Variants in ZNF423 observed in about 807,000 individuals in gnomAD.
The protein encoded by ZNF423 is zinc finger protein 423, also known as Ebf-associated zinc finger protein.
Under a neutral mutation model 95.8 loss-of-function variants are expected in ZNF423, and 12 were observed. The observed-to-expected ratio is 0.13, with a 90% CI of 0.08 to 0.20. The LOEUF (loss-of-function observed/expected upper bound fraction) is 0.20, where lower values mean the gene tolerates loss of function less well. Among genes scored for constraint, ZNF423 ranks in the 10% least tolerant of loss-of-function variants. ZNF423 has a pLI of 1.00. For synonymous variants in ZNF423, 749 were observed against 711.9 expected (o/e 1.05, Z -0.83); for missense variants, 1,316 against 1,737.1 (o/e 0.76, Z 4.31).
Position 49,626,373 on chromosome 16 carries a change from G to T in ZNF423, c.3517-119C>A. On this transcript the variant is annotated intron_variant, in intron 4 of 7. Transcript: ENST00000563137. ...CAGAATGGTTCCAGTCCCCTCCTAG[G>T]TCTCCCCAGGCCATTCTCTTCCCAC... 4.9e-6 allele frequency: 4 copies of T among 815,944 alleles called. No individual in the cohort carries two copies. The South Asian group carries it at 6.1e-5, about 12-fold the overall frequency. 50.5% of individuals were successfully genotyped at this position (815,944 alleles called of 1,614,324 possible).
intron 7 of ZNF423, chr16:49,518,355 G>A (rs1001426733): frequency 7.1e-6 from 3 of 422,196 alleles, no homozygotes; most frequent in Non-Finnish European, 1.4e-5. Flanking sequence ...TTTCCACAAA[G>A]AATATCATAA....
chr16:49,726,856 C>CTAAA (rs2033029629), intron 3 of ZNF423, among the ~76,000 whole-genome samples: 1 of 94,784 alleles, frequency 1.1e-5, no homozygotes, highest in Non-Finnish European at 2.0e-5. Flanking sequence ...TTCCCCCTAG[C>CTAAA]AAAAAAAAAA....
chr16:49,733,041 C>T (rs1454641385), intron 2 of ZNF423, among the ~76,000 whole-genome samples: 3 of 152,176 alleles, frequency 2.0e-5, no homozygotes, highest in African/African-American at 7.2e-5. Context: ...AAAAGTCAGG[C>T]AGCATATTTA....
At chr16:49,807,500 A>G (rs2034684044) in intron 1 of ZNF423, among the ~76,000 whole-genome samples, 2 of 152,188 alleles carry the variant, frequency 1.3e-5, no homozygotes, top group Non-Finnish European at 2.9e-5. Flanking sequence ...GTCTGGTTCC[A>G]AACACTTTTT....
chr16:49,679,778 G>T (rs2031274055), intron 3 of ZNF423, among the ~76,000 whole-genome samples: 1 of 152,250 alleles, frequency 6.6e-6, no homozygotes, highest in Non-Finnish European at 1.5e-5. Flanking sequence ...GCCAGAAATG[G>T]CCTGAAACCT....
intron 1 of ZNF423, among the ~76,000 whole-genome samples, chr16:49,803,311 C>T (rs1440525872): frequency 6.6e-6 from 1 of 152,046 alleles, no homozygotes; most frequent in Non-Finnish European, 1.5e-5. Context: ...TCAATGATGG[C>T]CTGAGTCCCA....
intron 2 of ZNF423, among the ~76,000 whole-genome samples, chr16:49,762,274 C>G (rs964823480): frequency 6.6e-6 from 1 of 152,194 alleles, no homozygotes; most frequent in African/African-American, 2.4e-5. Flanking sequence ...TCATGGTGCA[C>G]GTCCCCCAGC....
intron 1 of ZNF423, among the ~76,000 whole-genome samples, chr16:49,848,019 G>T (rs2035263511): frequency 6.6e-6 from 1 of 152,052 alleles, no homozygotes; most frequent in Non-Finnish European, 1.5e-5. Context: ...TGAGAGGACT[G>T]CTTGAGCCCA....
chr16:49,546,686 C>T (rs1214110438), intron 5 of ZNF423, among the ~76,000 whole-genome samples: 2 of 152,200 alleles, frequency 1.3e-5, no homozygotes, highest in Non-Finnish European at 2.9e-5. Flanking sequence ...TCAGGGGGCA[C>T]AGAATTAAAC....
At chr16:49,548,504 T>C (rs1272154940) in intron 5 of ZNF423, among the ~76,000 whole-genome samples, 1 of 151,700 alleles carries the variant, frequency 6.6e-6, no homozygotes, top group Non-Finnish European at 1.5e-5. Context: ...TTGTAAATTA[T>C]GTTGCCGTTA....
intron 7 of ZNF423, among the ~76,000 whole-genome samples, chr16:49,499,724 G>A (rs974244480): frequency 1.3e-5 from 2 of 152,162 alleles, no homozygotes; most frequent in African/African-American, 2.4e-5. Flanking sequence ...TCCATGAGCA[G>A]GAAACTCTTC....
intron 3 of ZNF423, among the ~76,000 whole-genome samples, chr16:49,704,245 C>T (rs987985259): frequency 7.9e-5 from 12 of 152,078 alleles, no homozygotes; most frequent in African/African-American, 2.9e-4. Context: ...CTAGAACCCC[C>T]TTCTAGGGCA....
intron 3 of ZNF423, among the ~76,000 whole-genome samples, chr16:49,706,509 G>T (rs1229427496): frequency 6.6e-6 from 1 of 152,236 alleles, no homozygotes; most frequent in Non-Finnish European, 1.5e-5. Context: ...TCACAACAGA[G>T]CCAGGTGTGA....
intron 1 of ZNF423, among the ~76,000 whole-genome samples, chr16:49,796,109 T>A (rs900977937): frequency 6.6e-6 from 1 of 151,674 alleles, no homozygotes; most frequent in East Asian, 2.0e-4. Flanking sequence ...GGGTCAGAAG[T>A]TGTGGGAGGC....
At chr16:49,778,949 G>A (rs1003818166) in intron 2 of ZNF423, among the ~76,000 whole-genome samples, 6 of 152,168 alleles carry the variant, frequency 3.9e-5, no homozygotes, top group South Asian at 2.1e-4. Flanking sequence ...CCCCATTTCC[G>A]ATGAGAAAAT....
intron 3 of ZNF423, among the ~76,000 whole-genome samples, chr16:49,642,636 T>C (rs1973012190): frequency 1.3e-5 from 2 of 152,122 alleles, no homozygotes; most frequent in South Asian, 2.1e-4. Flanking sequence ...AAGTCTTTTA[T>C]TCAAAGAACA....
intron 2 of ZNF423, among the ~76,000 whole-genome samples, chr16:49,740,135 G>A (rs2033383416): frequency 6.6e-6 from 1 of 151,830 alleles, no homozygotes. Flanking sequence ...CAAAGTGCTG[G>A]GATTACAGAA....
intron 1 of ZNF423, chr16:49,853,735 T>C (rs1311785637): frequency 5.1e-6 from 5 of 985,392 alleles, no homozygotes; most frequent in Non-Finnish European, 6.0e-6. Context: ...TGAGTCCTTC[T>C]CAGAGATCCA....
chr16:49,683,404 T>G (rs148138242), intron 3 of ZNF423, among the ~76,000 whole-genome samples: 2 of 152,356 alleles, frequency 1.3e-5, no homozygotes, highest in African/African-American at 4.8e-5. Flanking sequence ...AGTGTATTCC[T>G]TCTTTGGAAT....
Sources: allele counts gnomAD v4.1 joint callset (sites outside exome capture counted in the v4.1 genomes callset), GRCh38; gene constraint gnomAD v4.1.1; transcripts MANE v1.5; gene names NCBI Gene and HGNC (gene_info 2026-07-23, HGNC 2026-07-21).